Variants in DPP10 observed in about 807,000 individuals in gnomAD.
DPP10 encodes the protein inactive dipeptidyl peptidase 10.
In DPP10, 33 loss-of-function variants were observed where a neutral mutation model predicts 120.9. That is an observed-to-expected ratio of 0.27 (90% confidence interval 0.21 to 0.37). The LOEUF (loss-of-function observed/expected upper bound fraction) is 0.37. Ranked by LOEUF, DPP10 falls within the 10% of genes least tolerant of loss-of-function variation. DPP10 has a pLI of 1.00. For synonymous variants in DPP10, 337 were observed against 326.1 expected (o/e 1.03, Z -0.36); for missense variants, 816 against 942.8 (o/e 0.87, Z 1.76).
rs1558982530 is a variant in DPP10, at chr2:114,664,828, A to AGAGAGCATCCAAAAGG, written c.60+221990_60+221991insGAGAGCATCCAAAAGG. Reference sequence around the variant, plus strand: ...AAAGGTGGCAGAGAGCATCCAAAAGATGGCAGAGAGCATCCAAAAGATGGG... The same window carrying AGAGAGCATCCAAAAGG: ...AAAGGTGGCAGAGAGCATCCAAAAGAGAGAGCATCCAAAAGGTGGCAGAGAGCATCCAAAAGATGGG... On this transcript the variant is annotated intron_variant, in intron 1 of 25. Transcript: ENST00000410059. Among the ~76,000 whole-genome samples, 7 of 149,504 alleles carry AGAGAGCATCCAAAAGG rather than the reference A, an allele frequency of 4.7e-5. No individual in the cohort carries two copies. In the East Asian group the frequency reaches 8.1e-4, roughly 17 times the overall value.
At chr2:115,697,858 G>T (rs191449822) in intron 7 of DPP10, among the ~76,000 whole-genome samples, 1 of 152,070 alleles carries the variant, frequency 6.6e-6, no homozygotes, top group Non-Finnish European at 1.5e-5. Flanking sequence ...GGTGGCGGGC[G>T]CCTGTAGTCC....
At chr2:115,564,433 A>G (rs2080877381) in intron 5 of DPP10, among the ~76,000 whole-genome samples, 1 of 152,162 alleles carries the variant, frequency 6.6e-6, no homozygotes, top group Non-Finnish European at 1.5e-5. Context: ...AAATAGAGCC[A>G]TGTTGTTTAT....
chr2:115,325,768 A>G (rs1574428772), intron 2 of DPP10, among the ~76,000 whole-genome samples: 1 of 152,184 alleles, frequency 6.6e-6, no homozygotes, highest in East Asian at 1.9e-4. Context: ...ACATTTTTAC[A>G]AATGTATTTA....
At position 114,756,884 on chromosome 2, in the gene DPP10, G is replaced by A. The variant is rs528650213; in HGVS notation, c.60+314046G>A. On this transcript the variant is annotated intron_variant, in intron 1 of 25. Coordinates refer to ENST00000410059, the MANE Select transcript of DPP10 (RefSeq NM_020868.6). Reference sequence around the variant, plus strand: ...TACTCCTAGGAAAAATTATTTCTTAGCAAAAGAGTTAAGGAAGCCCCGTTG... The same window carrying A: ...TACTCCTAGGAAAAATTATTTCTTAACAAAAGAGTTAAGGAAGCCCCGTTG... 3.3e-5 allele frequency among the ~76,000 whole-genome samples: 5 copies of A among 152,010 alleles called. No individual in the cohort carries two copies. In the South Asian group the frequency reaches 1.0e-3, roughly 32 times the overall value.
chr2:114,714,533 C>G (rs1489198215), intron 1 of DPP10, among the ~76,000 whole-genome samples: 1 of 151,972 alleles, frequency 6.6e-6, no homozygotes, highest in Non-Finnish European at 1.5e-5. Flanking sequence ...CGGAGAAAAG[C>G]CTAAACAACA....
intron 1 of DPP10, among the ~76,000 whole-genome samples, chr2:115,210,169 C>T (rs2056411901): frequency 6.6e-6 from 1 of 152,126 alleles, no homozygotes; most frequent in East Asian, 1.9e-4. Context: ...ATCCCTCCCT[C>T]CTCTCCCAAC....
chr2:114,558,034 C>T (rs776681811), intron 1 of DPP10, among the ~76,000 whole-genome samples: 1 of 152,016 alleles, frequency 6.6e-6, no homozygotes, highest in East Asian at 1.9e-4. Context: ...CTCCAGGTGG[C>T]GAATTAAAAA....
intron 5 of DPP10, among the ~76,000 whole-genome samples, chr2:115,568,439 C>T (rs1229612101): frequency 2.0e-5 from 3 of 152,002 alleles, no homozygotes; most frequent in African/African-American, 4.8e-5. Context: ...GCCAAGATTG[C>T]GCCACTGCAC....
intron 3 of DPP10, among the ~76,000 whole-genome samples, chr2:115,375,082 T>A (rs560348681): frequency 6.6e-6 from 1 of 152,350 alleles, no homozygotes; most frequent in South Asian, 2.1e-4. Context: ...TCTTTTCTAC[T>A]ATATGGTCAG....
At chr2:114,472,332 G>C (rs1435525216) in intron 1 of DPP10, among the ~76,000 whole-genome samples, 1 of 152,202 alleles carries the variant, frequency 6.6e-6, no homozygotes, top group African/African-American at 2.4e-5. Context: ...TGTCCTTGAG[G>C]AGCCACTTCT....
At chr2:114,938,729 CTTTTTTT>C (rs5833569) in intron 1 of DPP10, among the ~76,000 whole-genome samples, 1 of 102,596 alleles carries the variant, frequency 9.7e-6, no homozygotes, top group Non-Finnish European at 2.1e-5. Context: ...CACTTTGTCC[CTTTTTTT>C]TTTTTTTTTT....
At chr2:115,406,880 C>T (rs936696059) in intron 3 of DPP10, among the ~76,000 whole-genome samples, 4 of 151,942 alleles carry the variant, frequency 2.6e-5, no homozygotes, top group Non-Finnish European at 5.9e-5. Context: ...AGAGAAAGAA[C>T]AGACTAAATA....
At chr2:114,773,553 C>T (rs1681462138) in intron 1 of DPP10, among the ~76,000 whole-genome samples, 1 of 152,218 alleles carries the variant, frequency 6.6e-6, no homozygotes. Context: ...ATAAACAAGC[C>T]CTGCTCACAA....
intron 2 of DPP10, among the ~76,000 whole-genome samples, chr2:115,335,391 CTG>C (rs1335754497): frequency 6.6e-6 from 1 of 151,806 alleles, no homozygotes; most frequent in African/African-American, 2.4e-5. Context: ...AAAGAAGAAA[CTG>C]TTTTTCATTT....
chr2:115,575,226 C>A (rs1383503536), intron 5 of DPP10, among the ~76,000 whole-genome samples: 1 of 152,160 alleles, frequency 6.6e-6, no homozygotes, highest in Non-Finnish European at 1.5e-5. Context: ...TGTTCATAGT[C>A]AGATTTAGAG....
chr2:115,623,646 T>C (rs1303114053), intron 5 of DPP10, among the ~76,000 whole-genome samples: 2 of 152,176 alleles, frequency 1.3e-5, no homozygotes, highest in East Asian at 3.9e-4. Context: ...GTGGGAGTCA[T>C]CCAGTCTACA....
chr2:115,034,050 A>T, intron 1 of DPP10, among the ~76,000 whole-genome samples: 1 of 151,300 alleles, frequency 6.6e-6, no homozygotes, highest in Non-Finnish European at 1.5e-5. Context: ...GGCATGTACC[A>T]CCAAGCCCAG....
chr2:115,107,888 C>T (rs370125097), intron 1 of DPP10, among the ~76,000 whole-genome samples: 7 of 152,040 alleles, frequency 4.6e-5, no homozygotes, highest in African/African-American at 1.4e-4. Flanking sequence ...AATATAATCT[C>T]ATCTTTGTTT....
intron 1 of DPP10, among the ~76,000 whole-genome samples, chr2:115,076,371 TA>T (rs752849288): frequency 3.4e-5 from 5 of 146,116 alleles, no homozygotes; most frequent in Non-Finnish European, 7.5e-5. Flanking sequence ...TCAGTGCACA[TA>T]AAAATATTTT....
Sources: gnomAD v4.1 joint callset for allele counts (sites outside exome capture counted in the v4.1 genomes callset) on GRCh38, gnomAD v4.1.1 for gene constraint, MANE v1.5 for transcripts, NCBI Gene and HGNC (gene_info 2026-07-23, HGNC 2026-07-21) for gene names.